The following AKR1C1 variants were observed in gnomAD, a reference collection of about 807,000 sequenced individuals.
AKR1C1 encodes aldo-keto reductase family 1 member C1.
A neutral mutation model predicts 40.6 loss-of-function variants in AKR1C1; 32 were observed. That is an observed-to-expected ratio of 0.79 (90% confidence interval 0.60 to 1.06). The LOEUF (loss-of-function observed/expected upper bound fraction) is 1.06, where lower values mean the gene tolerates loss of function less well. Ranked by LOEUF, AKR1C1 falls within the 50% of genes least tolerant of loss-of-function variation. The pLI is 0.00. For missense variants in AKR1C1, 320 were observed against 363.5 expected (o/e 0.88, Z 0.97); for synonymous variants, 105 against 134.2 (o/e 0.78, Z 1.50).
Position 4,976,948 on chromosome 10 carries a change from G to A in AKR1C1, c.930-752G>A, listed in dbSNP as rs1554770512. ...TTAGAAAGTTTTAAAACCAATTAAT[G>A]TTTTTGGGGATCATGAAATCAATCA... On this transcript the variant is annotated intron_variant, in intron 8 of 8. Transcript: ENST00000380872. Among the ~76,000 whole-genome samples, 3 of 152,294 alleles carry A rather than the reference G, an allele frequency of 2.0e-5. No individual in the cohort carries two copies. In the East Asian group the frequency reaches 5.8e-4, roughly 29 times the overall value.
At chr10:4,963,640 G>T (rs1437641964) in intron 1 of AKR1C1, 112 bp downstream of exon 1, 7 of 951,740 alleles carry the variant, frequency 7.4e-6, no homozygotes, top group Non-Finnish European at 1.1e-5. Context: ...CCCTTTAAAC[G>T]TCAGTCTTTG....
At chr10:4,964,738 T>C (rs1394065788) in intron 1 of AKR1C1, among the ~76,000 whole-genome samples, 1 of 152,248 alleles carries the variant, frequency 6.6e-6, no homozygotes, top group Non-Finnish European at 1.5e-5. Flanking sequence ...AATCACTTAC[T>C]CCTTGCAGTC....
intron 8 of AKR1C1, among the ~76,000 whole-genome samples, chr10:4,977,145 G>C (rs1452351862): frequency 1.3e-5 from 2 of 152,146 alleles, no homozygotes; most frequent in African/African-American, 4.8e-5. Flanking sequence ...TGTTATTTCT[G>C]CCTATAAAAT....
At chr10:4,964,724 T>C (rs1171708017) in intron 1 of AKR1C1, among the ~76,000 whole-genome samples, 2 of 152,238 alleles carry the variant, frequency 1.3e-5, no homozygotes, top group Non-Finnish European at 1.5e-5. Flanking sequence ...AACCCCATTT[T>C]GCTAATCACT....
chr10:4,964,345 T>C (rs975396576), intron 1 of AKR1C1, among the ~76,000 whole-genome samples: 1 of 152,182 alleles, frequency 6.6e-6, no homozygotes, highest in Non-Finnish European at 1.5e-5. Flanking sequence ...CAAAGGGACA[T>C]TTTGAAGACC....
chr10:4,973,963 T>C (rs1480421063), intron 7 of AKR1C1, among the ~76,000 whole-genome samples: 1 of 151,232 alleles, frequency 6.6e-6, no homozygotes, highest in Non-Finnish European at 1.5e-5. Context: ...ATATGACATA[T>C]ATCATGTATA....
rs2131642573 is a variant in AKR1C1 at position 4,968,949 on chromosome 10, G to A, written c.570+5G>A. 1 of 1,614,160 alleles carries A rather than the reference G, an allele frequency of 6.2e-7. No individual in the cohort carries two copies. The highest frequency in any genetic ancestry group is 8.5e-7 in the Non-Finnish European group (1 of 1,180,032). ...TACAAGCCTGTCTGCAACCAGGTGA[G>A]CACCCTCAGCCTCCTCTCCTTTCTG... On this transcript the variant is annotated splice_donor_5th_base_variant and intron_variant, in intron 5 of 8. Transcript: ENST00000380872.
At chr10:4,970,308 T>C (rs1345754490) in intron 5 of AKR1C1, among the ~76,000 whole-genome samples, 4 of 152,348 alleles carry the variant, frequency 2.6e-5, no homozygotes, top group African/African-American at 7.2e-5. Flanking sequence ...ATATCTTTTG[T>C]AGCTCTTCTT....
chr10:4,971,524 A>T (rs199802921), intron 5 of AKR1C1, among the ~76,000 whole-genome samples: 3,291 of 57,914 alleles, frequency 0.057, 71 homozygotes, highest in African/African-American at 0.16. Context: ...TATATATATA[A>T]AATATATATG....
chr10:4,970,503 G>A (rs1554769729), intron 5 of AKR1C1, among the ~76,000 whole-genome samples: 1 of 152,034 alleles, frequency 6.6e-6, no homozygotes, highest in Non-Finnish European at 1.5e-5. Flanking sequence ...CACCACACTA[G>A]ACTGCATACA....
rs777080970 is a variant in AKR1C1, at chr10:4,967,045, T to C, written c.369+2T>C. On this transcript the variant is annotated splice_donor_variant, in intron 3 of 8. Coordinates refer to ENST00000380872, the MANE Select transcript of AKR1C1 (RefSeq NM_001353.6). LOFTEE classifies it high-confidence loss of function. ...ATTCATTTTCCAGTGTCTGTAAAGG[T>C]AGGCAGCTTGTGTGATCAAATTAAT... The C allele has an allele frequency of 1.5e-5, 24 of 1,611,426 alleles. No individual in the cohort carries two copies. In the Admixed American group the frequency reaches 4.0e-4, roughly 27 times the overall value.
At position 4,966,964 on chromosome 10, in the gene AKR1C1, C is replaced by T. The variant is rs756379873; in HGVS notation, c.290C>T (p.Pro97Leu). ...CNSHRPELVR[P>L]ALERSLKNLQ... ...TCCCATCGACCAGAGTTGGTCCGAC[C>T]AGCCTTGGAAAGGTCACTGAAAAAT... The change falls in exon 3 of 9, where the codon CCA becomes CTA. Residue 97 changes from proline to leucine, a missense_variant. Physicochemically the swap from Pro to Leu is moderately conservative, Grantham distance 98. Coordinates refer to ENST00000380872, the MANE Select transcript of AKR1C1 (RefSeq NM_001353.6). 2 of 1,613,796 alleles carry T rather than the reference C, an allele frequency of 1.2e-6. No individual in the cohort carries two copies. Among genetic ancestry groups the T allele is most frequent in the African/African-American group, 1.3e-5 (1 of 75,040 alleles).
chr10:4,970,927 A>T (rs1370387882), intron 5 of AKR1C1, among the ~76,000 whole-genome samples: 1 of 151,834 alleles, frequency 6.6e-6, no homozygotes, highest in Non-Finnish European at 1.5e-5. Flanking sequence ...AACCTGCACA[A>T]TGTGCACATG....
In AKR1C1 at chr10:4,982,214, G is replaced by A. The variant is rs1217883949; in HGVS notation, c.*4472G>A. On this transcript the variant is annotated 3_prime_UTR_variant, in exon 9 of 9. Coordinates refer to ENST00000380872, the MANE Select transcript of AKR1C1 (RefSeq NM_001353.6). ...ATGCTGAAAACGGTCTCCTGAGAAT[G>A]CGGTTTGAGTGCTTTTACAAGGCCA... is the stretch of plus-strand genomic sequence containing the variant. 1 of 152,244 alleles carries A rather than the reference G, an allele frequency of 6.6e-6. No homozygotes were observed. Among genetic ancestry groups the A allele is most frequent in the Non-Finnish European group, 1.5e-5 (1 of 68,122 alleles). 9.4% of individuals were successfully genotyped at this position (152,244 alleles called of 1,614,324 possible). A position where few individuals can be genotyped will look rare whatever the true frequency, so the allele number is the denominator to read the frequency against.
intron 3 of AKR1C1, chr10:4,967,678 T>C (rs1836353926): frequency 1.6e-6 from 1 of 629,584 alleles, no homozygotes; most frequent in African/African-American, 2.0e-5. Flanking sequence ...CATTAAGAAT[T>C]TGATAAAAAC....
Position 4,972,478 on chromosome 10 carries a change from C to T in AKR1C1, c.681-106C>T, listed in dbSNP as rs542521033. On this transcript the variant is annotated intron_variant, in intron 6 of 8. Coordinates refer to ENST00000380872, the MANE Select transcript of AKR1C1 (RefSeq NM_001353.6). The stretch of plus-strand genomic sequence containing the variant: ...TTGAGGCTGCTGTTCGGGGGCCTCG[C>T]TTGAGAAGCTCCGGTGCAGAGTGGA... 1.8e-5 allele frequency: 29 copies of T among 1,575,148 alleles called. No homozygotes were observed. In the South Asian group the frequency reaches 3.2e-4, roughly 18 times the overall value.
intron 5 of AKR1C1, among the ~76,000 whole-genome samples, chr10:4,971,054 G>A (rs2131644123): frequency 6.6e-6 from 1 of 152,038 alleles, no homozygotes; most frequent in African/African-American, 2.4e-5. Context: ...TCTGCTGGGG[G>A]ATAATTCTCA....
intron 7 of AKR1C1, among the ~76,000 whole-genome samples, chr10:4,974,592 A>T (rs1444814423): frequency 2.0e-5 from 3 of 152,064 alleles, no homozygotes; most frequent in African/African-American, 7.2e-5. Flanking sequence ...TTGACTTTTT[A>T]AATACTGTAT....
intron 7 of AKR1C1, among the ~76,000 whole-genome samples, chr10:4,974,699 G>GA (rs2131647373): frequency 6.6e-6 from 1 of 152,072 alleles, no homozygotes; most frequent in East Asian, 1.9e-4. Context: ...CACATAACTT[G>GA]ATTTTTTTAC....
Sources: gnomAD v4.1 joint callset for allele counts (sites outside exome capture counted in the v4.1 genomes callset) on GRCh38, gnomAD v4.1.1 for gene constraint, MANE v1.5 for transcripts, NCBI Gene and HGNC (gene_info 2026-07-23, HGNC 2026-07-21) for gene names.